NAALADL2: variants seen among roughly 807,000 people sequenced by gnomAD.
The protein encoded by NAALADL2 is inactive N-acetylated-alpha-linked acidic dipeptidase-like protein 2.
NAALADL2 carries 76 observed loss-of-function variants against 87.2 expected under a neutral mutation model. The observed-to-expected ratio is 0.87, with a 90% CI of 0.72 to 1.05. The LOEUF (loss-of-function observed/expected upper bound fraction) is 1.05, where lower values mean the gene tolerates loss of function less well. NAALADL2 is among the 50% of genes least tolerant of loss of function. The pLI is 0.00. For missense variants in NAALADL2, 1,089 were observed against 945.8 expected, an observed-to-expected ratio of 1.15 and a Z score of -1.99; for synonymous variants, 354 against 331.0, an observed-to-expected ratio of 1.07 and a Z score of -0.75.
intron 2 of NAALADL2, among the ~76,000 whole-genome samples, chr3:174,568,667 A>C (rs1325712278): frequency 6.6e-6 from 1 of 151,426 alleles, no homozygotes; most frequent in Non-Finnish European, 1.5e-5. Context: ...TATATCTGGG[A>C]TATGTCTGTT....
chr3:175,781,366 TCTC>T (rs1270416947), intron 13 of NAALADL2, among the ~76,000 whole-genome samples: 6 of 152,086 alleles, frequency 3.9e-5, no homozygotes, highest in East Asian at 1.9e-4. Context: ...GGGCTGAAAA[TCTC>T]CTATTGCCTG....
intron 1 of NAALADL2, among the ~76,000 whole-genome samples, chr3:174,949,394 T>G (rs113743396): frequency 0.038 from 5,714 of 152,012 alleles, 309 homozygotes; most frequent in African/African-American, 0.12. Context: ...TTCCAAGGGG[T>G]GGGGAGGGTT....
chr3:174,940,643 T>C (rs1738437233), intron 1 of NAALADL2, among the ~76,000 whole-genome samples: 1 of 152,102 alleles, frequency 6.6e-6, no homozygotes, highest in African/African-American at 2.4e-5. Context: ...CATCAGGTTC[T>C]GAGCATTTTT....
intron 1 of NAALADL2, among the ~76,000 whole-genome samples, chr3:175,094,829 G>C (rs1416101287): frequency 6.8e-6 from 1 of 147,398 alleles, no homozygotes; most frequent in African/African-American, 2.5e-5. Context: ...ACAATGTCTT[G>C]CATAATTATA....
chr3:175,364,158 T>C (rs949654236), intron 5 of NAALADL2, among the ~76,000 whole-genome samples: 1 of 147,960 alleles, frequency 6.8e-6, no homozygotes, highest in Non-Finnish European at 1.5e-5. Flanking sequence ...GTGTGCACAC[T>C]CACAAACTTG....
intron 6 of NAALADL2, among the ~76,000 whole-genome samples, chr3:175,458,108 T>C (rs7631860): frequency 0.034 from 5,237 of 152,100 alleles, 291 homozygotes; most frequent in African/African-American, 0.12. Context: ...CACCATAAGA[T>C]GTACCAAATC....
At chr3:175,255,482 C>A (rs1749775272) in intron 3 of NAALADL2, among the ~76,000 whole-genome samples, 1 of 151,914 alleles carries the variant, frequency 6.6e-6, no homozygotes, top group African/African-American at 2.4e-5. Context: ...TTTAATCAGC[C>A]TCTCTGTGGA....
intron 1 of NAALADL2, among the ~76,000 whole-genome samples, chr3:175,018,657 C>T (rs748568806): frequency 2.6e-5 from 4 of 152,040 alleles, no homozygotes; most frequent in Non-Finnish European, 5.9e-5. Flanking sequence ...GGTATATTTA[C>T]ACTACCACAG....
At chr3:174,674,187 G>A (rs1726831225) in intron 2 of NAALADL2, among the ~76,000 whole-genome samples, 1 of 151,822 alleles carries the variant, frequency 6.6e-6, no homozygotes, top group Non-Finnish European at 1.5e-5. Flanking sequence ...GGAGTGAGGT[G>A]CCACACACTT....
chr3:174,934,908 A>C (rs1737456051), intron 1 of NAALADL2, among the ~76,000 whole-genome samples: 1 of 151,548 alleles, frequency 6.6e-6, no homozygotes, highest in African/African-American at 2.4e-5. Context: ...GAGCACCGAG[A>C]GGGTTTGTGA....
intron 2 of NAALADL2, among the ~76,000 whole-genome samples, chr3:175,180,403 T>C (rs1736291828): frequency 6.6e-6 from 1 of 151,940 alleles, no homozygotes. Flanking sequence ...TTGTTCTACG[T>C]ATTATCTGTT....
chr3:175,536,521 ACTAAATGGAAATACATGAT>A lies in NAALADL2; in HGVS notation c.1654-39519_1654-39501del, dbSNP rs1734836300. ...GATAGTAACAATTTATCATGTATTT[ACTAAATGGAAATACATGAT>A]ATTTAATTGATTAGACTTGAAATTA... On this transcript the variant is annotated intron_variant, in intron 9 of 13. Coordinates refer to ENST00000454872, the MANE Select transcript of NAALADL2 (RefSeq NM_207015.3). 2.0e-5 allele frequency among the ~76,000 whole-genome samples: 3 copies of A among 152,166 alleles called. 1 individual carries two copies. The highest frequency in any genetic ancestry group is 1.3e-4 in the Admixed American group (2 of 15,270).
At chr3:175,170,164 C>G (rs1432828881) in intron 2 of NAALADL2, among the ~76,000 whole-genome samples, 1 of 151,530 alleles carries the variant, frequency 6.6e-6, no homozygotes, top group East Asian at 1.9e-4. Context: ...TTCTCTTTTC[C>G]TCTTGAACCA....
chr3:174,937,917 A>AGT (rs1737942038), intron 1 of NAALADL2, among the ~76,000 whole-genome samples: 1 of 152,098 alleles, frequency 6.6e-6, no homozygotes, highest in African/African-American at 2.4e-5. Flanking sequence ...ATTTCTAGAA[A>AGT]GTATATATAT....
chr3:174,925,118 T>C (rs1331994989), intron 1 of NAALADL2, among the ~76,000 whole-genome samples: 7 of 152,202 alleles, frequency 4.6e-5, no homozygotes, highest in Non-Finnish European at 8.8e-5. Flanking sequence ...CCATTGCTCT[T>C]GGTGTTTTAG....
intron 9 of NAALADL2, among the ~76,000 whole-genome samples, chr3:175,566,221 A>G (rs570776131): frequency 9.2e-5 from 14 of 152,176 alleles, no homozygotes; most frequent in African/African-American, 2.9e-4. Flanking sequence ...TTCAGAGGGA[A>G]TTTTAAAAAT....
chr3:175,685,533 A>AAG (rs1164763519), intron 11 of NAALADL2, among the ~76,000 whole-genome samples: 1 of 148,832 alleles, frequency 6.7e-6, no homozygotes, highest in South Asian at 2.1e-4. Flanking sequence ...TGGAGAGAAA[A>AAG]AGAGAGAGAG....
At chr3:175,006,932 A>G (rs1749112161) in intron 1 of NAALADL2, among the ~76,000 whole-genome samples, 2 of 151,478 alleles carry the variant, frequency 1.3e-5, no homozygotes, top group East Asian at 1.9e-4. Context: ...GTTCCTTTAT[A>G]AGTCTTTGAT....
chr3:175,020,529 A>C (rs369432363), intron 1 of NAALADL2, among the ~76,000 whole-genome samples: 1 of 152,006 alleles, frequency 6.6e-6, no homozygotes, highest in Non-Finnish European at 1.5e-5. Context: ...TCTCCCCTTC[A>C]TCAGGCTGGA....
Sources: allele counts gnomAD v4.1 joint callset (sites outside exome capture counted in the v4.1 genomes callset), GRCh38; gene constraint gnomAD v4.1.1; transcripts MANE v1.5; gene names NCBI Gene and HGNC (gene_info 2026-07-23, HGNC 2026-07-21).